RMND1: variants seen among roughly 807,000 people sequenced by gnomAD.
The protein encoded by RMND1 is required for meiotic nuclear division 1 homolog.
A neutral mutation model predicts 54.0 loss-of-function variants in RMND1; 41 were observed. The observed-to-expected ratio is 0.76, with a 90% CI of 0.59 to 0.98. The LOEUF is 0.98. RMND1 is among the 50% of genes least tolerant of loss of function. The pLI is 0.00. For synonymous variants in RMND1, 183 were observed against 181.7 expected (o/e 1.01, Z -0.06); for missense variants, 457 against 532.0 (o/e 0.86, Z 1.39).
intron 7 of RMND1, among the ~76,000 whole-genome samples, chr6:151,422,964 G>A (rs894840782): frequency 2.0e-5 from 3 of 152,160 alleles, no homozygotes; most frequent in Admixed American, 2.0e-4. Flanking sequence ...CACTCCTCAG[G>A]ACTAAGAGTA....
chr6:151,425,522 C>T (rs1044691032), intron 6 of RMND1, among the ~76,000 whole-genome samples: 2 of 152,074 alleles, frequency 1.3e-5, no homozygotes, highest in Admixed American at 6.5e-5. Flanking sequence ...AAAGTAATCG[C>T]GGTTTTTGCC....
chr6:151,448,647 G>A (rs1484752058), intron 1 of RMND1, among the ~76,000 whole-genome samples: 2 of 152,156 alleles, frequency 1.3e-5, no homozygotes, highest in Non-Finnish European at 2.9e-5. Context: ...TCCTTCCCAT[G>A]GATTATTATA....
In RMND1 at chr6:151,421,836, G is replaced by A. The variant is rs555364508; in HGVS notation, c.1003-515C>T. 9.2e-5 allele frequency among the ~76,000 whole-genome samples: 14 copies of A among 151,898 alleles called. No homozygotes were observed. The East Asian group carries it at 1.4e-3, about 15-fold the overall frequency. The stretch of plus-strand genomic sequence containing the variant: ...TTACATTAAAAATACTGCAACTGAC[G>A]GGCATGGTGGCTCGTGGCCTGTAAT... On this transcript the variant is annotated intron_variant, in intron 8 of 11. Transcript: ENST00000444024.
intron 2 of RMND1, among the ~76,000 whole-genome samples, chr6:151,443,937 A>C (rs1231186084): frequency 6.6e-6 from 1 of 152,222 alleles, no homozygotes; most frequent in African/African-American, 2.4e-5. Context: ...TTCTCTGTTC[A>C]TGTCAACTAT....
chr6:151,436,119 A>C lies in RMND1; in HGVS notation c.613+327T>G, dbSNP rs554111495. ...AAACTCCATCCCAAAAAACAAAAAA[A>C]AAAAAAACACAAAACACACACAGAC... On this transcript the variant is annotated intron_variant, in intron 3 of 11. Transcript: ENST00000444024. 1.1e-3 allele frequency: 214 copies of C among 200,366 alleles called. 1 individual carries two copies. The highest frequency in any genetic ancestry group is 4.4e-3 in the African/African-American group (187 of 42,344). The allele number at this position is 200,366 out of a possible 1,614,324, so 12.4% of individuals were successfully genotyped here.
intron 10 of RMND1, among the ~76,000 whole-genome samples, chr6:151,412,667 C>A (rs749675414): frequency 3.9e-5 from 6 of 152,164 alleles, no homozygotes; most frequent in Non-Finnish European, 7.3e-5. Flanking sequence ...CTGCACTGTT[C>A]TACAGGAAGC....
At chr6:151,431,286 G>C (rs369467940) in intron 4 of RMND1, among the ~76,000 whole-genome samples, 23 of 152,098 alleles carry the variant, frequency 1.5e-4, no homozygotes, top group African/African-American at 5.5e-4. Context: ...GGCAAGCAGG[G>C]GACAATCCAG....
chr6:151,418,948 T>A (rs1464424503), intron 9 of RMND1, among the ~76,000 whole-genome samples: 1 of 152,058 alleles, frequency 6.6e-6, no homozygotes, highest in Admixed American at 6.6e-5. Flanking sequence ...TTTTGTATTT[T>A]TAGTAAAGAT....
chr6:151,417,432 T>C, intron 9 of RMND1, 33 bp from the exon 10 acceptor site: 1 of 1,476,140 alleles, frequency 6.8e-7, no homozygotes, highest in Non-Finnish European at 9.2e-7. Context: ...TTTTTATTTA[T>C]CTTGAATTAA....
At chr6:151,423,416 C>A in intron 7 of RMND1, 109 bp downstream of exon 7, 1 of 692,354 alleles carries the variant, frequency 1.4e-6, no homozygotes, top group South Asian at 1.9e-5. Context: ...AAAAGGAATG[C>A]TAAGGCTTTG....
Position 151,445,724 on chromosome 6 carries a change from AC to A in RMND1, c.87del (p.Met29IlefsTer2), listed in dbSNP as rs1194763374. The part of the protein sequence containing the change: ...AHQCRRIGHL[M>X]LKPLKEFENT... ...TTTTCAAATTCCTTAAGTGGTTTTA[AC>A]ATTAGATGACCGATTCTTCGGCACT... On this transcript the variant is annotated frameshift_variant, in exon 2 of 12. Transcript: ENST00000444024. LOFTEE classifies it high-confidence loss of function. 1.7e-5 allele frequency: 27 copies of A among 1,613,998 alleles called. No homozygotes were observed. Among genetic ancestry groups the A allele is most frequent in the Non-Finnish European group, 2.2e-5 (26 of 1,180,052 alleles).
intron 5 of RMND1, among the ~76,000 whole-genome samples, chr6:151,428,494 T>C (rs1056686241): frequency 2.0e-5 from 3 of 152,220 alleles, no homozygotes; most frequent in African/African-American, 7.2e-5. Context: ...GGAATACTTC[T>C]TTAGGAATTG....
Position 151,422,601 on chromosome 6 carries a change from TTTTACTGGG to T in RMND1, c.938-5_941del. The T allele has an allele frequency of 6.7e-7, 1 of 1,496,766 alleles. No homozygotes were observed. Among genetic ancestry groups the T allele is most frequent in the African/African-American group, 1.4e-5 (1 of 71,722 alleles). 92.7% of individuals were successfully genotyped at this position (1,496,766 alleles called of 1,614,324 possible). A position where few individuals can be genotyped will look rare whatever the true frequency, so the allele number is the denominator to read the frequency against. Reference sequence around the variant, plus strand: ...CCAGTGATGCTTCCCAAATTGCCAGTTTTACTGGGAAAAAAATTAATAATGGAACATTTC... The same window carrying T: ...CCAGTGATGCTTCCCAAATTGCCAGTAAAAAAATTAATAATGGAACATTTC... On this transcript the variant is annotated splice_acceptor_variant and splice_polypyrimidine_tract_variant and coding_sequence_variant and intron_variant, in exon 8 of 12. Transcript: ENST00000444024. LOFTEE classifies it high-confidence loss of function.
chr6:151,415,874 G>A (rs542813757), intron 10 of RMND1, among the ~76,000 whole-genome samples: 2 of 152,070 alleles, frequency 1.3e-5, no homozygotes, highest in South Asian at 4.1e-4. Context: ...TGGAGATGGA[G>A]AAGAGATTAC....
chr6:151,417,053 C>G (rs1013032569), intron 10 of RMND1: 18 of 382,380 alleles, frequency 4.7e-5, no homozygotes, highest in Admixed American at 1.7e-4. Flanking sequence ...GACCATTAGG[C>G]TTCCAAACTC....
intron 3 of RMND1, 149 bp downstream of exon 3, chr6:151,436,297 A>T (rs1780610575): frequency 1.3e-6 from 1 of 787,164 alleles, no homozygotes; most frequent in Admixed American, 2.9e-5. Flanking sequence ...TAACTTTGTC[A>T]TCTTTATAAA....
At chr6:151,423,272 G>A (rs927797131) in intron 7 of RMND1, among the ~76,000 whole-genome samples, 5 of 151,984 alleles carry the variant, frequency 3.3e-5, no homozygotes, top group Admixed American at 6.6e-5. Flanking sequence ...AAAAACAAAG[G>A]CTAATATAAT....
At chr6:151,434,158 AACATAT>A (rs1247363267) in intron 3 of RMND1, among the ~76,000 whole-genome samples, 19 of 152,168 alleles carry the variant, frequency 1.2e-4, no homozygotes, top group African/African-American at 4.6e-4. Context: ...GTATTGTTAA[AACATAT>A]ACTAATATAC....
chr6:151,415,954 A>G (rs1562786029), intron 10 of RMND1, among the ~76,000 whole-genome samples: 1 of 151,838 alleles, frequency 6.6e-6, no homozygotes, highest in African/African-American at 2.4e-5. Flanking sequence ...AGCATGAGGA[A>G]AAGTGATAAA....
Sources: allele counts gnomAD v4.1 joint callset (sites outside exome capture counted in the v4.1 genomes callset), GRCh38; gene constraint gnomAD v4.1.1; transcripts MANE v1.5; gene names NCBI Gene and HGNC (gene_info 2026-07-23, HGNC 2026-07-21).